The following EVC2 variants were observed in gnomAD, a reference collection of about 807,000 sequenced individuals.
EVC2 encodes limbin.
A neutral mutation model predicts 149.3 loss-of-function variants in EVC2; 148 were observed. That is an observed-to-expected ratio of 0.99 (90% CI 0.87 to 1.14). The LOEUF (loss-of-function observed/expected upper bound fraction) is 1.14. EVC2 is among the 50% of genes most tolerant of loss of function. The probability of loss-of-function intolerance (pLI) is 0.00; values close to 1 mark genes in which losing one functional copy is unlikely to be tolerated. For synonymous variants in EVC2, 776 were observed against 649.9 expected (o/e 1.19, Z -2.95); for missense variants, 1,854 against 1,627.3 (o/e 1.14, Z -2.40).
intron 16 of EVC2, among the ~76,000 whole-genome samples, chr4:5,600,259 A>C (rs1713867181): frequency 6.6e-6 from 1 of 152,232 alleles, no homozygotes; most frequent in African/African-American, 2.4e-5. Flanking sequence ...AGCTGTCATC[A>C]TCATTACCAC....
intron 16 of EVC2, among the ~76,000 whole-genome samples, chr4:5,590,907 C>T (rs1394479509): frequency 2.6e-5 from 4 of 152,170 alleles, no homozygotes; most frequent in African/African-American, 9.7e-5. Flanking sequence ...CTTCACATGG[C>T]AGCAGCAAGA....
intron 9 of EVC2, among the ~76,000 whole-genome samples, chr4:5,644,519 G>A (rs929089079): frequency 6.6e-6 from 1 of 152,054 alleles, no homozygotes; most frequent in African/African-American, 2.4e-5. Context: ...TGGCCAGGAT[G>A]GTCTCAATCT....
At position 5,636,357 on chromosome 4, in the gene EVC2, T is replaced by A. The variant is rs769114479; in HGVS notation, c.1470+4157A>T. On this transcript the variant is annotated intron_variant, in intron 10 of 21. Coordinates refer to ENST00000344408, the MANE Select transcript of EVC2 (RefSeq NM_147127.5). This position sits in a 1 kb window ranked among gnomAD's most constrained non-coding sequence, Gnocchi z 4.6. ...TACATTAATTACAGTCAGCTCTCTG[T>A]ATCTGTGGGTTCTGCATCCATAAAT... is the stretch of plus-strand genomic sequence containing the variant. Among the ~76,000 whole-genome samples, 1 of 152,240 alleles carries A rather than the reference T, an allele frequency of 6.6e-6. No individual in the cohort carries two copies. The highest frequency in any genetic ancestry group is 1.5e-5 in the Non-Finnish European group (1 of 68,038).
the EVC2 span, among the ~76,000 whole-genome samples, chr4:5,530,606 T>G: frequency 1.3e-5 from 2 of 152,144 alleles, no homozygotes; most frequent in African/African-American, 4.8e-5. Context: ...TTATGAACCA[T>G]AGTCCTCCTG....
downstream of EVC2, among the ~76,000 whole-genome samples, chr4:5,560,366 C>T (rs1721914655): frequency 6.6e-6 from 1 of 152,152 alleles, no homozygotes; most frequent in South Asian, 2.1e-4. This position sits in a 1 kb window ranked among gnomAD's most constrained non-coding sequence, Gnocchi z 4.1. Flanking sequence ...ACTCACAGTT[C>T]CACATGACTG....
chr4:5,601,256 A>C (rs1321864646), intron 16 of EVC2, among the ~76,000 whole-genome samples: 1 of 152,174 alleles, frequency 6.6e-6, no homozygotes, highest in Non-Finnish European at 1.5e-5. Context: ...CCTGTAATGA[A>C]CATGGAGGTA....
At chr4:5,597,568 C>G (rs893447314) in intron 16 of EVC2, among the ~76,000 whole-genome samples, 1 of 151,382 alleles carries the variant, frequency 6.6e-6, no homozygotes, top group Non-Finnish European at 1.5e-5. Context: ...GGACATATCT[C>G]AAAATAATAA....
intron 16 of EVC2, among the ~76,000 whole-genome samples, chr4:5,594,661 G>A (rs554838652): frequency 1.2e-3 from 189 of 152,270 alleles, no homozygotes; most frequent in African/African-American, 4.0e-3. Context: ...AAAGCAGAGC[G>A]CCTCTCCTCC....
In EVC2 at chr4:5,631,866, T is replaced by G. The variant is rs778083211; in HGVS notation, c.1637A>C (p.Lys546Thr). 5.6e-6 allele frequency: 9 copies of G among 1,614,128 alleles called. No individual in the cohort carries two copies. Among genetic ancestry groups the G allele is most frequent in the Non-Finnish European group, 7.6e-6 (9 of 1,180,036 alleles). The stretch of plus-strand genomic sequence containing the variant: ...CAATTCCCCTTTGAAAATAGCACTT[T>G]TTATCTGGGTAAAAAAGATACTGTG... Reference protein sequence around the residue: ...ELHSIFFTQIKSAIFKGELKP... With the variant: ...ELHSIFFTQITSAIFKGELKP... The change falls in exon 11 of 22, where the codon AAA becomes ACA. Residue 546 changes from lysine (K) to threonine (T), a missense_variant. Lys to Thr is a moderately conservative substitution (Grantham distance 78). Transcript: ENST00000344408.
In EVC2 at chr4:5,686,957, A is replaced by G. The variant is rs73200122; in HGVS notation, c.707-1478T>C. Among the ~76,000 whole-genome samples, 26,526 of 152,170 alleles carry G rather than the reference A, an allele frequency of 0.17. 2,470 individuals are homozygous for G. The highest frequency in any genetic ancestry group is 0.2 in the Non-Finnish European group (13,885 of 68,006). ...ATAACAAGAATGGAGCAGTAAGAAT[A>G]AAAATAACAACAACAGTGGCCGGGC... On this transcript the variant is annotated intron_variant, in intron 5 of 21. Transcript: ENST00000344408. This position sits in a 1 kb window ranked among gnomAD's most constrained non-coding sequence, Gnocchi z 5.4.
In EVC2 at chr4:5,625,798, T is replaced by C. The variant is rs745516521; in HGVS notation, c.1997A>G (p.Lys666Arg). 1.2e-6 allele frequency: 2 copies of C among 1,614,114 alleles called. No individual in the cohort carries two copies. Among genetic ancestry groups the C allele is most frequent in the Admixed American group, 3.3e-5 (2 of 60,002 alleles). ...LDNDLKQEKK[K>R]LHQKLITKRR... The stretch of plus-strand genomic sequence containing the variant: ...CTTAGTTATTAATTTTTGGTGGAGC[T>C]TTTTCTTTTCCTGCTTTAAGTCATT... Residue 666 changes from lysine (K) to arginine (R), a missense_variant, in exon 13 of 22, where the codon AAG becomes AGG. Coordinates refer to ENST00000344408, the MANE Select transcript of EVC2 (RefSeq NM_147127.5). The surrounding 1 kb of genome is among the most constrained non-coding windows in gnomAD (Gnocchi z 4.0).
Position 5,562,492 on chromosome 4 carries a change from T to C in EVC2, c.*356A>G. The C allele has an allele frequency of 9.1e-7, 1 of 1,104,934 alleles. No homozygotes were observed. 68.4% of individuals were successfully genotyped at this position (1,104,934 alleles called of 1,614,324 possible). On this transcript the variant is annotated 3_prime_UTR_variant, in exon 22 of 22. Coordinates refer to ENST00000344408, the MANE Select transcript of EVC2 (RefSeq NM_147127.5). This position sits in a 1 kb window ranked among gnomAD's most constrained non-coding sequence, Gnocchi z 4.3. ...ATTCCCTTTATAAAAATAGAATATG[T>C]AACAAATACAAAACATAAGAGTAGA...
At chr4:5,595,534 C>A (rs28865691) in intron 16 of EVC2, among the ~76,000 whole-genome samples, 3 of 152,008 alleles carry the variant, frequency 2.0e-5, no homozygotes, top group Admixed American at 2.0e-4. Flanking sequence ...ATTTTGTCAC[C>A]ACCAGGCCTG....
At chr4:5,549,789 C>T (rs1435403587) in intron 21 of EVC2, among the ~76,000 whole-genome samples, 1 of 152,200 alleles carries the variant, frequency 6.6e-6, no homozygotes, top group Admixed American at 6.5e-5. Flanking sequence ...ACTCTTCCTT[C>T]CCTTTATATG....
chr4:5,600,720 T>C (rs891472494), intron 16 of EVC2, among the ~76,000 whole-genome samples: 5 of 152,290 alleles, frequency 3.3e-5, no homozygotes, highest in South Asian at 2.1e-4. Context: ...GAAAATGTAG[T>C]CATCAGACAC....
chr4:5,544,247 T>C (rs1193669067), intron 21 of EVC2, among the ~76,000 whole-genome samples: 2 of 149,966 alleles, frequency 1.3e-5, no homozygotes, highest in Non-Finnish European at 3.0e-5. Context: ...GAAGTTGTTA[T>C]GGAAAAAAAA....
intron 16 of EVC2, among the ~76,000 whole-genome samples, chr4:5,587,415 A>G (rs1023822248): frequency 1.3e-5 from 2 of 152,258 alleles, no homozygotes; most frequent in African/African-American, 2.4e-5. Flanking sequence ...TTCAAAGTTC[A>G]TCTACTTGTT....
At chr4:5,639,206 C>T (rs938313146) in intron 10 of EVC2, among the ~76,000 whole-genome samples, 4 of 152,124 alleles carry the variant, frequency 2.6e-5, no homozygotes, top group East Asian at 1.9e-4. Flanking sequence ...CCACAGTCTG[C>T]GGAAGGGAAG....
At chr4:5,610,468 C>T (rs1714726955) in intron 16 of EVC2, among the ~76,000 whole-genome samples, 1 of 152,188 alleles carries the variant, frequency 6.6e-6, no homozygotes, top group Admixed American at 6.5e-5. Context: ...CAACAACTGG[C>T]CAGTTCTTCC....
Sources: gnomAD v4.1 joint callset for allele counts (sites outside exome capture counted in the v4.1 genomes callset) on GRCh38, gnomAD v4.1.1 for gene constraint, Gnocchi (gnomAD v3.1) non-coding constraint, MANE v1.5 for transcripts, NCBI Gene and HGNC (gene_info 2026-07-23, HGNC 2026-07-21) for gene names.